PRKCE: variants seen among roughly 807,000 people sequenced by gnomAD.
PRKCE encodes the protein protein kinase C epsilon, also known as protein kinase C epsilon type.
Under a neutral mutation model 85.4 loss-of-function variants are expected in PRKCE, and 16 were observed. That is an observed-to-expected ratio of 0.19 (90% confidence interval 0.13 to 0.28). The LOEUF is 0.28. Ranked by LOEUF, PRKCE falls within the 10% of genes least tolerant of loss-of-function variation. PRKCE has a pLI of 1.00. For missense variants in PRKCE, 573 were observed against 975.2 expected (o/e 0.59, Z 5.49); for synonymous variants, 388 against 371.5 (o/e 1.04, Z -0.51).
chr2:45,991,681 G>A (rs973857077), intron 6 of PRKCE, among the ~76,000 whole-genome samples: 12 of 152,198 alleles, frequency 7.9e-5, no homozygotes, highest in African/African-American at 2.4e-4. Context: ...GCATATGTGT[G>A]AATAATTATG....
intron 1 of PRKCE, among the ~76,000 whole-genome samples, chr2:45,653,131 G>C (rs190042965): frequency 2.0e-5 from 3 of 152,270 alleles, no homozygotes; most frequent in Admixed American, 2.0e-4. Flanking sequence ...GGAAGTCAGT[G>C]CTTTGAATCT....
At chr2:45,908,042 G>A (rs1191006808) in intron 2 of PRKCE, among the ~76,000 whole-genome samples, 2 of 152,090 alleles carry the variant, frequency 1.3e-5, no homozygotes, top group Non-Finnish European at 2.9e-5. Context: ...GACCTTTGAG[G>A]CATTTTCCAG....
chr2:46,169,845 AGATT>A (rs1678716786), intron 14 of PRKCE, among the ~76,000 whole-genome samples: 1 of 152,168 alleles, frequency 6.6e-6, no homozygotes, highest in Non-Finnish European at 1.5e-5. Context: ...GTGGCACTTC[AGATT>A]GAAGCACCCA....
At chr2:45,672,623 A>G (rs1676228984) in intron 1 of PRKCE, among the ~76,000 whole-genome samples, 1 of 152,190 alleles carries the variant, frequency 6.6e-6, no homozygotes, top group Non-Finnish European at 1.5e-5. Flanking sequence ...GCGGCAATTG[A>G]CCAGACTACC....
At chr2:45,802,024 A>AG (rs200040375) in intron 1 of PRKCE, among the ~76,000 whole-genome samples, 1,521 of 151,346 alleles carry the variant, frequency 0.01, 10 homozygotes, top group Non-Finnish European at 0.015. Context: ...CCAAGGCGAG[A>AG]GGATCACTTG....
In PRKCE at chr2:45,651,965, A is replaced by C; in HGVS notation, c.-136A>C. ...CGCCCGCGCCAGGGCGCAACGCCACAAGGTGTAGGGAGTGTGCGGGGTGGG... is the reference window on the plus strand; with the variant it reads ...CGCCCGCGCCAGGGCGCAACGCCACCAGGTGTAGGGAGTGTGCGGGGTGGG... On this transcript the variant is annotated 5_prime_UTR_variant, in exon 1 of 15. Transcript: ENST00000306156. 2 of 661,692 alleles carry C rather than the reference A, an allele frequency of 3.0e-6. No homozygotes were observed. Among genetic ancestry groups the C allele is most frequent in the South Asian group, 2.2e-5 (1 of 45,576 alleles). The allele number at this position is 661,692 out of a possible 1,614,324, so 41.0% of individuals were successfully genotyped here. A position where few individuals can be genotyped will look rare whatever the true frequency, so the allele number is the denominator to read the frequency against.
chr2:45,820,226 T>C (rs57477096), intron 1 of PRKCE, among the ~76,000 whole-genome samples: 20,575 of 152,112 alleles, frequency 0.14, 1,786 homozygotes, highest in African/African-American at 0.24. Context: ...AGAAATGTTC[T>C]ATGTGCTCCT....
At chr2:45,893,726 C>G (rs1296209691) in intron 2 of PRKCE, among the ~76,000 whole-genome samples, 1 of 152,144 alleles carries the variant, frequency 6.6e-6, no homozygotes, top group African/African-American at 2.4e-5. Flanking sequence ...ATGGGCCACT[C>G]TTATTTGCCC....
At chr2:45,828,896 T>A (rs1235277302) in intron 1 of PRKCE, among the ~76,000 whole-genome samples, 1 of 152,156 alleles carries the variant, frequency 6.6e-6, no homozygotes, top group Non-Finnish European at 1.5e-5. Flanking sequence ...TTAGCATATG[T>A]ACCTACCACA....
At chr2:45,852,562 G>A (rs1380410379) in intron 2 of PRKCE, among the ~76,000 whole-genome samples, 1 of 152,194 alleles carries the variant, frequency 6.6e-6, no homozygotes, top group Non-Finnish European at 1.5e-5. Flanking sequence ...CAAGCCAGGA[G>A]ATGTCCAGCA....
chr2:46,044,849 T>C (rs1314425270), intron 10 of PRKCE, among the ~76,000 whole-genome samples: 1 of 152,240 alleles, frequency 6.6e-6, no homozygotes, highest in African/African-American at 2.4e-5. Context: ...AGCTCCGCTC[T>C]GCCTCTCCAA....
At position 45,786,970 on chromosome 2, in the gene PRKCE, G is replaced by A. The variant is rs1400609556; in HGVS notation, c.349-56030G>A. Among the ~76,000 whole-genome samples, 2 of 152,256 alleles carry A rather than the reference G, an allele frequency of 1.3e-5. No individual in the cohort carries two copies. The highest frequency in any genetic ancestry group is 2.9e-5 in the Non-Finnish European group (2 of 68,048). On this transcript the variant is annotated intron_variant, in intron 1 of 14. Transcript: ENST00000306156. The surrounding 1 kb of genome is among the most constrained non-coding windows in gnomAD (Gnocchi z 5.3). ...CAAACTCGCCTGGTGAGTCACTTGA[G>A]GCTTTGGTTCAAGTCGGGATTTCCC...
intron 2 of PRKCE, among the ~76,000 whole-genome samples, chr2:45,860,182 C>A (rs996092429): frequency 1.3e-5 from 2 of 152,230 alleles, no homozygotes; most frequent in African/African-American, 4.8e-5. Flanking sequence ...TAGTGCCTGG[C>A]ATACAGTACC....
chr2:46,057,239 A>T (rs1156472641), intron 10 of PRKCE, among the ~76,000 whole-genome samples: 1 of 152,186 alleles, frequency 6.6e-6, no homozygotes, highest in Non-Finnish European at 1.5e-5. Context: ...GTCACATAGC[A>T]TTGCTTCTGC....
chr2:45,679,811 TC>T (rs1477435377), intron 1 of PRKCE, among the ~76,000 whole-genome samples: 2 of 152,166 alleles, frequency 1.3e-5, no homozygotes, highest in Non-Finnish European at 2.9e-5. Context: ...CTGTGTTCCC[TC>T]CAGCTAGGGT....
At chr2:46,084,395 T>A (rs1446861623) in intron 10 of PRKCE, among the ~76,000 whole-genome samples, 1 of 152,096 alleles carries the variant, frequency 6.6e-6, no homozygotes, top group Non-Finnish European at 1.5e-5. Flanking sequence ...TATGCTAACA[T>A]CCTCCTGGAA....
intron 1 of PRKCE, among the ~76,000 whole-genome samples, chr2:45,706,304 T>A (rs1366819850): frequency 6.6e-6 from 1 of 152,118 alleles, no homozygotes. Context: ...AATGGAAAAC[T>A]TTTTTCCCTC....
intron 11 of PRKCE, among the ~76,000 whole-genome samples, chr2:46,129,512 A>G (rs1320148404): frequency 1.3e-5 from 2 of 152,262 alleles, no homozygotes; most frequent in Admixed American, 1.3e-4. Flanking sequence ...TAGTGCCAAG[A>G]ACAGCGCATG....
At chr2:45,890,674 C>G (rs898666174) in intron 2 of PRKCE, among the ~76,000 whole-genome samples, 3 of 152,210 alleles carry the variant, frequency 2.0e-5, no homozygotes, top group African/African-American at 7.2e-5. Context: ...AGCCACCACA[C>G]CTGGTCTTTT....
Sources: allele counts gnomAD v4.1 joint callset (sites outside exome capture counted in the v4.1 genomes callset), GRCh38; gene constraint gnomAD v4.1.1; non-coding constraint Gnocchi (gnomAD v3.1); transcripts MANE v1.5; gene names NCBI Gene and HGNC (gene_info 2026-07-23, HGNC 2026-07-21).